Variants in RAMP3 observed in about 807,000 individuals in gnomAD.
RAMP3 encodes receptor activity modifying protein 3.
In RAMP3, 14 loss-of-function variants were observed where a neutral mutation model predicts 13.5. The ratio of observed to expected loss-of-function variants is 1.04; its 90% CI spans 0.69 to 1.63. The LOEUF (loss-of-function observed/expected upper bound fraction) is 1.63. RAMP3 is among the 40% of genes most tolerant of loss of function. RAMP3 has a pLI of 0.00. For missense variants in RAMP3, 200 were observed against 204.8 expected, an observed-to-expected ratio of 0.98 and a Z score of 0.14; for synonymous variants, 106 against 88.3, an observed-to-expected ratio of 1.20 and a Z score of -1.12.
chr7:45,177,567 C>T (rs1222456782), intron 2 of RAMP3, 126 bp downstream of exon 2: 70 of 1,388,306 alleles, frequency 5.0e-5, no homozygotes, highest in Non-Finnish European at 6.1e-5. Flanking sequence ...CACAACCCAC[C>T]GTAGGCCACC....
Position 45,184,043 on chromosome 7 carries a change from G to A in RAMP3, c.*631G>A, listed in dbSNP as rs533760822. Reference sequence around the variant, plus strand: ...TCCATTCCATCATGATGCTGTGCCCGCTATGGGCTGTGTCCATGACCAGAG... The same window carrying A: ...TCCATTCCATCATGATGCTGTGCCCACTATGGGCTGTGTCCATGACCAGAG... On this transcript the variant is annotated 3_prime_UTR_variant, in exon 3 of 3. Coordinates refer to ENST00000242249, the MANE Select transcript of RAMP3 (RefSeq NM_005856.3). 35 of 405,120 alleles carry A rather than the reference G, an allele frequency of 8.6e-5. No individual in the cohort carries two copies. The highest frequency in any genetic ancestry group is 8.5e-4 in the East Asian group (24 of 28,316). 25.1% of individuals were successfully genotyped at this position (405,120 alleles called of 1,614,324 possible).
In RAMP3 at chr7:45,161,371, C is replaced by T. The variant is rs537395862; in HGVS notation, c.58+3485C>T. Among the ~76,000 whole-genome samples the T allele has an allele frequency of 3.3e-5, 5 of 152,128 alleles. No individual in the cohort carries two copies. In the South Asian group the frequency reaches 1.0e-3, roughly 32 times the overall value. ...GGCTCAGTGAGGGAGATCAGGGGCT[C>T]AGGGAGAATAATAGTTGCCTGAGGG... On this transcript the variant is annotated intron_variant, in intron 1 of 2. Transcript: ENST00000242249.
chr7:45,177,672 TC>T (rs1786220838), intron 2 of RAMP3, among the ~76,000 whole-genome samples: 1 of 150,954 alleles, frequency 6.6e-6, no homozygotes, highest in Non-Finnish European at 1.5e-5. Flanking sequence ...CCCACCCACA[TC>T]CCCCTGGCAC....
At chr7:45,168,376 A>G (rs1039050373) in intron 1 of RAMP3, among the ~76,000 whole-genome samples, 1 of 124,026 alleles carries the variant, frequency 8.1e-6, no homozygotes, top group Non-Finnish European at 1.6e-5. Flanking sequence ...ACTGTACTCC[A>G]GCTTGGGTGA....
At chr7:45,183,059 T>C (rs1786349138) in intron 2 of RAMP3, 98 bp from the exon 3 acceptor site, 2 of 1,528,828 alleles carry the variant, frequency 1.3e-6, no homozygotes, top group East Asian at 2.3e-5. Flanking sequence ...CAAATGGGAC[T>C]GTACCCAAGC....
intron 1 of RAMP3, among the ~76,000 whole-genome samples, chr7:45,161,868 G>C (rs1785873325): frequency 6.6e-6 from 1 of 152,142 alleles, no homozygotes; most frequent in South Asian, 2.1e-4. Context: ...GACAGGGTGG[G>C]GCTAGCCTGG....
Position 45,183,420 on chromosome 7 carries a change from G to A in RAMP3, c.*8G>A, listed in dbSNP as rs373844882. ...ACCGACACGCTGCTGTGAGGGTCCC[G>A]GTGAGATGGAGTGGGTCACACCTGG... On this transcript the variant is annotated 3_prime_UTR_variant, in exon 3 of 3. Transcript: ENST00000242249. 3.6e-5 allele frequency: 58 copies of A among 1,609,892 alleles called. No homozygotes were observed. In the African/African-American group the frequency reaches 5.2e-4, roughly 14 times the overall value.
chr7:45,174,623 G>T (rs1050877143), intron 1 of RAMP3, among the ~76,000 whole-genome samples: 2 of 152,124 alleles, frequency 1.3e-5, no homozygotes, highest in East Asian at 3.9e-4. Context: ...TCCCCTTCCC[G>T]CCACTGACAT....
At position 45,173,853 on chromosome 7, in the gene RAMP3, G is replaced by A. The variant is rs568522358; in HGVS notation, c.59-3456G>A. On this transcript the variant is annotated intron_variant, in intron 1 of 2. Transcript: ENST00000242249. Reference sequence around the variant, plus strand: ...CTGCTTCAACTGCTACCATCCTGGGGTCCTCACATTCATGGCGCAAATGCT... The same window carrying A: ...CTGCTTCAACTGCTACCATCCTGGGATCCTCACATTCATGGCGCAAATGCT... Among the ~76,000 whole-genome samples, 54 of 152,320 alleles carry A rather than the reference G, an allele frequency of 3.5e-4. No homozygotes were observed. The South Asian group carries it at 0.011, about 31-fold the overall frequency.
chr7:45,180,745 G>A (rs767809394), intron 2 of RAMP3, among the ~76,000 whole-genome samples: 13 of 152,234 alleles, frequency 8.5e-5, no homozygotes, highest in Admixed American at 3.3e-4. Context: ...GGGGGGAGAG[G>A]GAGTCTGACT....
chr7:45,168,321 C>T (rs1482961989), intron 1 of RAMP3, among the ~76,000 whole-genome samples: 2 of 146,182 alleles, frequency 1.4e-5, no homozygotes, highest in Admixed American at 7.0e-5. Context: ...CATGAGAATC[C>T]CTTGAACCTG....
chr7:45,166,171 G>A (rs34149896), intron 1 of RAMP3, among the ~76,000 whole-genome samples: 39,508 of 149,998 alleles, frequency 0.26, 6,257 homozygotes, highest in African/African-American at 0.44. Flanking sequence ...TGTCCTCACT[G>A]ACACTTTTTT....
chr7:45,157,945 G>T, intron 1 of RAMP3, 59 bp downstream of exon 1: 3 of 1,298,130 alleles, frequency 2.3e-6, no homozygotes, highest in Non-Finnish European at 2.9e-6. Flanking sequence ...CACCGGACCC[G>T]GGTGGACCCG....
At chr7:45,172,708 T>C (rs560620435) in intron 1 of RAMP3, among the ~76,000 whole-genome samples, 11 of 152,284 alleles carry the variant, frequency 7.2e-5, no homozygotes, top group African/African-American at 2.6e-4. Flanking sequence ...TTATACTTAG[T>C]TGATTTTTGA....
At chr7:45,169,299 G>A (rs1329811381) in intron 1 of RAMP3, among the ~76,000 whole-genome samples, 1 of 152,128 alleles carries the variant, frequency 6.6e-6, no homozygotes, top group Non-Finnish European at 1.5e-5. Flanking sequence ...TGGAAGATGG[G>A]GAAGTGCTGC....
chr7:45,179,030 G>A (rs1786251079), intron 2 of RAMP3, among the ~76,000 whole-genome samples: 1 of 152,214 alleles, frequency 6.6e-6, no homozygotes, highest in South Asian at 2.1e-4. Context: ...GCAGTGAGGT[G>A]TCCAGAGCCC....
At chr7:45,182,835 C>CTTGGTG (rs1292276013) in intron 2 of RAMP3, among the ~76,000 whole-genome samples, 18 of 152,140 alleles carry the variant, frequency 1.2e-4, no homozygotes, top group African/African-American at 3.9e-4. Context: ...AGAAGCATGG[C>CTTGGTG]TTGGTGTGTC....
At chr7:45,176,368 G>A (rs1468766903) in intron 1 of RAMP3, among the ~76,000 whole-genome samples, 1 of 150,652 alleles carries the variant, frequency 6.6e-6, no homozygotes, top group Non-Finnish European at 1.5e-5. Flanking sequence ...CTAAGATATA[G>A]ATGGCAGGGC....
At chr7:45,176,795 C>A (rs1323729041) in intron 1 of RAMP3, among the ~76,000 whole-genome samples, 1 of 152,242 alleles carries the variant, frequency 6.6e-6, no homozygotes, top group East Asian at 1.9e-4. Context: ...TGAGTCCCTG[C>A]AGTGGCCTCA....
Sources: allele counts gnomAD v4.1 joint callset (sites outside exome capture counted in the v4.1 genomes callset), GRCh38; gene constraint gnomAD v4.1.1; transcripts MANE v1.5; gene names NCBI Gene and HGNC (gene_info 2026-07-23, HGNC 2026-07-21).